Variants in JAKMIP2 observed in about 807,000 individuals in gnomAD.
JAKMIP2 encodes the protein janus kinase and microtubule interacting protein 2.
Under a neutral mutation model 115.0 loss-of-function variants are expected in JAKMIP2, and 25 were observed. The ratio of observed to expected loss-of-function variants is 0.22; its 90% CI spans 0.16 to 0.30. JAKMIP2 has a LOEUF of 0.30. Among genes scored for constraint, JAKMIP2 ranks in the 10% least tolerant of loss-of-function variants. JAKMIP2 has a pLI of 1.00. For missense variants in JAKMIP2, 642 were observed against 957.6 expected, an observed-to-expected ratio of 0.67 and a Z score of 4.35; for synonymous variants, 334 against 343.6, an observed-to-expected ratio of 0.97 and a Z score of 0.31.
At chr5:147,652,983 T>C (rs996916027) in intron 3 of JAKMIP2, among the ~76,000 whole-genome samples, 1 of 152,088 alleles carries the variant, frequency 6.6e-6, no homozygotes, top group African/African-American at 2.4e-5. Context: ...CTGTGTTAGT[T>C]TGCTGAGGAT....
intron 1 of JAKMIP2, among the ~76,000 whole-genome samples, chr5:147,701,255 T>C (rs927695802): frequency 1.3e-5 from 2 of 152,162 alleles, no homozygotes; most frequent in African/African-American, 4.8e-5. Flanking sequence ...GATCAGATAC[T>C]GGTTTGTGGT....
At chr5:147,639,971 T>C (rs1757805277) in intron 9 of JAKMIP2, among the ~76,000 whole-genome samples, 1 of 152,202 alleles carries the variant, frequency 6.6e-6, no homozygotes, top group Non-Finnish European at 1.5e-5. Context: ...AAATATTTAT[T>C]TTAGTAAAAG....
At chr5:147,616,160 G>A (rs952934066) in intron 19 of JAKMIP2, among the ~76,000 whole-genome samples, 1 of 152,080 alleles carries the variant, frequency 6.6e-6, no homozygotes, top group Non-Finnish European at 1.5e-5. Context: ...AAGCAGAACG[G>A]TGTAATACAT....
At chr5:147,668,481 C>T (rs1278571453) in intron 2 of JAKMIP2, among the ~76,000 whole-genome samples, 1 of 152,180 alleles carries the variant, frequency 6.6e-6, no homozygotes, top group Non-Finnish European at 1.5e-5. Flanking sequence ...GAGTTCTCAC[C>T]TAAGTGAGTA....
At chr5:147,778,089 G>A (rs1201055129) in intron 1 of JAKMIP2, among the ~76,000 whole-genome samples, 1 of 151,982 alleles carries the variant, frequency 6.6e-6, no homozygotes, top group Non-Finnish European at 1.5e-5. Context: ...ATTTTAATCA[G>A]ATCCTAAACA....
At chr5:147,594,525 G>A (rs1755260383) in intron 21 of JAKMIP2, 2 of 412,312 alleles carry the variant, frequency 4.9e-6, no homozygotes, top group South Asian at 1.7e-5. Flanking sequence ...GTAGAGATGG[G>A]ATTTCACCAT....
At chr5:147,629,392 T>A (rs967719749) in intron 15 of JAKMIP2, among the ~76,000 whole-genome samples, 2 of 152,192 alleles carry the variant, frequency 1.3e-5, no homozygotes, top group Non-Finnish European at 2.9e-5. Flanking sequence ...TCACACTGGA[T>A]GCCTTTGAGC....
At chr5:147,631,288 CAT>C in intron 14 of JAKMIP2, 123 bp downstream of exon 14, 1 of 579,114 alleles carries the variant, frequency 1.7e-6, no homozygotes, top group Non-Finnish European at 3.0e-6. Context: ...TCAATTCCTA[CAT>C]AGTTTGTATC....
intron 2 of JAKMIP2, among the ~76,000 whole-genome samples, chr5:147,664,372 A>G (rs915934758): frequency 6.6e-5 from 10 of 152,098 alleles, no homozygotes; most frequent in African/African-American, 2.2e-4. Flanking sequence ...TCAGGCTCTC[A>G]GGAAGGTTTG....
chr5:147,725,618 G>A (rs916173416), intron 1 of JAKMIP2, among the ~76,000 whole-genome samples: 3 of 152,094 alleles, frequency 2.0e-5, no homozygotes, highest in Admixed American at 6.5e-5. Context: ...TTAAATGATG[G>A]TATTGGGTTA....
chr5:147,627,678 TAAAAAA>T (rs768481105), intron 16 of JAKMIP2, among the ~76,000 whole-genome samples: 814 of 70,314 alleles, frequency 0.012, 10 homozygotes, highest in African/African-American at 0.044. Flanking sequence ...AGCCTTTCTG[TAAAAAA>T]AAAAAAAAAA....
chr5:147,688,889 C>T (rs1039354322), intron 1 of JAKMIP2, among the ~76,000 whole-genome samples: 7 of 152,286 alleles, frequency 4.6e-5, no homozygotes, highest in Non-Finnish European at 5.9e-5. Flanking sequence ...AGACATACAT[C>T]GTTGGCTCAT....
At chr5:147,740,449 CA>C (rs1754101061) in intron 1 of JAKMIP2, among the ~76,000 whole-genome samples, 1 of 152,172 alleles carries the variant, frequency 6.6e-6, no homozygotes, top group African/African-American at 2.4e-5. Context: ...TTCTAAAGGA[CA>C]ACCTGATTTC....
At chr5:147,674,275 T>C (rs1395786746) in intron 1 of JAKMIP2, among the ~76,000 whole-genome samples, 1 of 152,202 alleles carries the variant, frequency 6.6e-6, no homozygotes, top group East Asian at 1.9e-4. Context: ...TCTGCTTGCT[T>C]TGTATATAAA....
chr5:147,641,966 A>T (rs1019145506), intron 7 of JAKMIP2, among the ~76,000 whole-genome samples: 1 of 152,156 alleles, frequency 6.6e-6, no homozygotes, highest in African/African-American at 2.4e-5. Flanking sequence ...CTGATGAGTT[A>T]TGTGGATCAA....
At chr5:147,751,493 A>G (rs1159538360) in intron 1 of JAKMIP2, among the ~76,000 whole-genome samples, 1 of 151,282 alleles carries the variant, frequency 6.6e-6, no homozygotes, top group Non-Finnish European at 1.5e-5. Flanking sequence ...AAACAAAAAG[A>G]AAAATTAATT....
chr5:147,594,544 G>A (rs755727422), intron 21 of JAKMIP2: 6 of 379,462 alleles, frequency 1.6e-5, no homozygotes, highest in Admixed American at 2.5e-5. Flanking sequence ...ATGTTTCCCA[G>A]GCTGGTCTTA....
At chr5:147,658,814 T>A (rs1368319128) in intron 3 of JAKMIP2, among the ~76,000 whole-genome samples, 1 of 152,040 alleles carries the variant, frequency 6.6e-6, no homozygotes, top group East Asian at 1.9e-4. Flanking sequence ...AATCTCCCAG[T>A]CGCCTTAGCA....
At chr5:147,673,884 T>C (rs1458368667) in intron 1 of JAKMIP2, among the ~76,000 whole-genome samples, 3 of 152,160 alleles carry the variant, frequency 2.0e-5, no homozygotes, top group African/African-American at 7.2e-5. Flanking sequence ...AATGTTGTTG[T>C]TGTTCTGGGC....
Sources: allele counts gnomAD v4.1 joint callset (sites outside exome capture counted in the v4.1 genomes callset), GRCh38; gene constraint gnomAD v4.1.1; transcripts MANE v1.5; gene names NCBI Gene and HGNC (gene_info 2026-07-23, HGNC 2026-07-21).